The following ACOT11 variants were observed in gnomAD, a reference collection of about 807,000 sequenced individuals.
The protein encoded by ACOT11 is acyl-CoA thioesterase 11.
A neutral mutation model predicts 77.5 loss-of-function variants in ACOT11; 69 were observed. That is an observed-to-expected ratio of 0.89 (90% CI 0.73 to 1.09). The LOEUF (loss-of-function observed/expected upper bound fraction) is 1.09, where lower values mean the gene tolerates loss of function less well. ACOT11 is among the 50% of genes least tolerant of loss of function. The pLI, the probability that ACOT11 is intolerant of heterozygous loss-of-function variation, is 0.00. For synonymous variants in ACOT11, 279 were observed against 313.0 expected, an observed-to-expected ratio of 0.89 and a Z score of 1.15; for missense variants, 766 against 813.7, an observed-to-expected ratio of 0.94 and a Z score of 0.71.
downstream of ACOT11, among the ~76,000 whole-genome samples, chr1:54,614,484 A>G (rs750721759): frequency 6.6e-6 from 1 of 152,130 alleles, no homozygotes; most frequent in Non-Finnish European, 1.5e-5. Context: ...TAAGATGTCA[A>G]GGAAGTTTCT....
chr1:54,610,473 A>G (rs1644105618), downstream of ACOT11: 3 of 1,500,760 alleles, frequency 2.0e-6, no homozygotes, highest in South Asian at 1.1e-5. Context: ...GCCACTCCAC[A>G]TTCAGACCGT....
At chr1:54,581,326 G>A (rs1182887238) in intron 1 of ACOT11, among the ~76,000 whole-genome samples, 1 of 151,920 alleles carries the variant, frequency 6.6e-6, no homozygotes, top group Non-Finnish European at 1.5e-5. Context: ...TCCAGCCCCA[G>A]TAGCCTGTGG....
chr1:54,594,275 T>C (rs938864028), intron 5 of ACOT11, among the ~76,000 whole-genome samples: 6 of 152,148 alleles, frequency 3.9e-5, no homozygotes, highest in Admixed American at 3.9e-4. Flanking sequence ...TCTTCTGGTC[T>C]CACCATTCTG....
At chr1:54,610,567 C>A (rs1412053260), downstream of ACOT11, 1 of 1,607,840 alleles carries the variant, frequency 6.2e-7, no homozygotes, top group Non-Finnish European at 8.5e-7. Context: ...TGTGGGGCCC[C>A]AAATCGCCAA....
intron 15 of ACOT11, chr1:54,623,510 G>C (rs553069326): frequency 2.2e-5 from 17 of 769,956 alleles, no homozygotes; most frequent in Non-Finnish European, 3.6e-5. Context: ...ATTCTCCACC[G>C]GGCCTGGTCT....
intron 3 of ACOT11, 58 bp from the exon 4 acceptor site, chr1:54,592,488 C>T (rs955450690): frequency 6.6e-7 from 1 of 1,525,012 alleles, no homozygotes; most frequent in African/African-American, 1.4e-5. Context: ...GTATCTGAGG[C>T]CCCTGTTCCT....
At chr1:54,566,932 A>G (rs1429152614) in intron 1 of ACOT11, among the ~76,000 whole-genome samples, 3 of 152,192 alleles carry the variant, frequency 2.0e-5, no homozygotes, top group African/African-American at 7.2e-5. Context: ...CACTGTTGAA[A>G]TGTCACTAAA....
intron 15 of ACOT11, chr1:54,619,792 A>G: frequency 1.7e-5 from 25 of 1,476,486 alleles, no homozygotes; most frequent in Non-Finnish European, 2.3e-5. Flanking sequence ...CCAGTGTCTG[A>G]TCCTCACTTC....
At chr1:54,614,837 G>C (rs201983547), downstream of ACOT11, 1 of 1,614,030 alleles carries the variant, frequency 6.2e-7, no homozygotes, top group East Asian at 2.2e-5. Context: ...CTGCCTTGAT[G>C]TTCTTGAAGT....
chr1:54,555,134 T>C (rs547286792), intron 1 of ACOT11, among the ~76,000 whole-genome samples: 7 of 152,310 alleles, frequency 4.6e-5, no homozygotes, highest in African/African-American at 1.7e-4. Flanking sequence ...TAATTTTTTG[T>C]ATTTTCAGTA....
At chr1:54,570,490 G>A (rs1004706925) in intron 1 of ACOT11, among the ~76,000 whole-genome samples, 1 of 152,206 alleles carries the variant, frequency 6.6e-6, no homozygotes, top group East Asian at 1.9e-4. Flanking sequence ...CACTAGAATG[G>A]TTTTCTGGGT....
At chr1:54,630,593 A>G in intron 15 of ACOT11, 1 of 502,884 alleles carries the variant, frequency 2.0e-6, no homozygotes, top group Non-Finnish European at 3.6e-6. Flanking sequence ...ACATCTATAG[A>G]AACAATGCTA....
At position 54,609,332 on chromosome 1, in the gene ACOT11, C is replaced by T. The variant is rs200747808; in HGVS notation, c.*220C>T. The T allele has an allele frequency of 3.5e-4, 570 of 1,613,774 alleles. 1 individual carries two copies. The highest frequency in any genetic ancestry group is 4.2e-4 in the Non-Finnish European group (491 of 1,179,726). On this transcript the variant is annotated 3_prime_UTR_variant, in exon 16 of 16. Transcript: ENST00000343744. ...GCCCTGGGGTAGCCTGTAGTAGACT[C>T]GGGTCCTGTCCACAGCCCTAGCTGC...
chr1:54,612,158 GGGCAGGGGTTAAA>G (rs893280365), downstream of ACOT11, among the ~76,000 whole-genome samples: 9 of 151,962 alleles, frequency 5.9e-5, no homozygotes, highest in South Asian at 1.9e-3. Context: ...GGCTATCCTA[GGGCAGGGGTTAAA>G]GGCACAATCT....
At position 54,601,410 on chromosome 1, in the gene ACOT11, C is replaced by A; in HGVS notation, c.1026C>A (p.Pro342=). 7 of 1,611,920 alleles carry A rather than the reference C, an allele frequency of 4.3e-6. No homozygotes were observed. Among genetic ancestry groups the A allele is most frequent in the Non-Finnish European group, 5.1e-6 (6 of 1,179,822 alleles). ...PQLLPWIRPQ[P]GDGERRYREA... ...TGCTGCCCTGGATTCGGCCCCAGCC[C>A]GGCGTAAGTGGGACCAGCGCCCTGC... Residue 342 remains proline (P), a synonymous_variant, in exon 9 of 16, where the codon CCC becomes CCA. Transcript: ENST00000343744.
At chr1:54,624,051 C>T (rs1644256675) in intron 15 of ACOT11, among the ~76,000 whole-genome samples, 1 of 152,140 alleles carries the variant, frequency 6.6e-6, no homozygotes, top group Non-Finnish European at 1.5e-5. Context: ...TACTGCAGGC[C>T]GGTTCTGGGG....
intron 1 of ACOT11, among the ~76,000 whole-genome samples, chr1:54,580,164 A>G (rs1427981484): frequency 6.6e-6 from 1 of 152,112 alleles, no homozygotes; most frequent in Non-Finnish European, 1.5e-5. Context: ...CAAGGTTATC[A>G]ACGTTAGTTG....
rs1644091779 is a variant in ACOT11 at position 54,609,695 on chromosome 1, C to T, written c.*583C>T. ...AAAACTCCCGTGGGAGATTTTGGCCCCAACCCACACAGGCCAATGCAAGAG... is the reference window on the plus strand; with the variant it reads ...AAAACTCCCGTGGGAGATTTTGGCCTCAACCCACACAGGCCAATGCAAGAG... On this transcript the variant is annotated 3_prime_UTR_variant, in exon 16 of 16. Coordinates refer to ENST00000343744, the MANE Select transcript of ACOT11 (RefSeq NM_147161.4). 3.1e-6 allele frequency: 5 copies of T among 1,614,070 alleles called. No homozygotes were observed. In the Admixed American group the frequency reaches 8.3e-5, roughly 27 times the overall value.
At chr1:54,550,943 C>T (rs772027790) in intron 1 of ACOT11, among the ~76,000 whole-genome samples, 4 of 149,458 alleles carry the variant, frequency 2.7e-5, no homozygotes, top group Admixed American at 1.3e-4. Context: ...AGTTCGAGAC[C>T]AGCTCGGCCA....
Sources: gnomAD v4.1 joint callset for allele counts (sites outside exome capture counted in the v4.1 genomes callset) on GRCh38, gnomAD v4.1.1 for gene constraint, MANE v1.5 for transcripts, NCBI Gene and HGNC (gene_info 2026-07-23, HGNC 2026-07-21) for gene names.